The following FLACC1 variants were observed in gnomAD, a reference collection of about 807,000 sequenced individuals.
FLACC1 encodes the protein flagellum associated containing coiled-coil domains 1.
In FLACC1, 66 loss-of-function variants were observed where a neutral mutation model predicts 62.8. That is an observed-to-expected ratio of 1.05 (90% CI 0.86 to 1.29). The LOEUF (loss-of-function observed/expected upper bound fraction) is 1.29. Ranked by LOEUF, FLACC1 falls within the 50% of genes most tolerant of loss-of-function variation. The pLI, the probability that FLACC1 is intolerant of heterozygous loss-of-function variation, is 0.00. For missense variants in FLACC1, 452 were observed against 489.1 expected, an observed-to-expected ratio of 0.92 and a Z score of 0.71; for synonymous variants, 156 against 161.0, an observed-to-expected ratio of 0.97 and a Z score of 0.24.
intron 9 of FLACC1, 111 bp from the exon 10 acceptor site, chr2:201,309,361 A>C (rs1950169315): frequency 1.3e-6 from 1 of 772,642 alleles, no homozygotes; most frequent in Non-Finnish European, 2.2e-6. Context: ...CACAGTGGCC[A>C]GGGCCCATCA....
At chr2:201,290,320 A>G (rs995544793) in intron 12 of FLACC1, among the ~76,000 whole-genome samples, 1 of 144,610 alleles carries the variant, frequency 6.9e-6, no homozygotes, top group African/African-American at 2.5e-5. Context: ...TGGCTCATCA[A>G]TTGCAACTAA....
intron 11 of FLACC1, 78 bp from the exon 12 acceptor site, chr2:201,299,378 G>T: frequency 8.7e-7 from 1 of 1,154,602 alleles, no homozygotes; most frequent in Non-Finnish European, 1.3e-6. Flanking sequence ...AGCCAGACTA[G>T]GATTCAGGAA....
chr2:201,331,252 G>A (rs1381233666), intron 7 of FLACC1, among the ~76,000 whole-genome samples: 3 of 152,042 alleles, frequency 2.0e-5, no homozygotes, highest in Non-Finnish European at 4.4e-5. Flanking sequence ...GATTACAGGC[G>A]TGAGCTACCA....
chr2:201,348,998 A>G (rs568969337), intron 3 of FLACC1, among the ~76,000 whole-genome samples: 1 of 152,288 alleles, frequency 6.6e-6, no homozygotes, highest in East Asian at 1.9e-4. Context: ...GATCTGGGAT[A>G]ATCCAGGATA....
At chr2:201,330,709 G>A (rs749865849) in intron 8 of FLACC1, 27 bp downstream of exon 8, 39 of 1,608,672 alleles carry the variant, frequency 2.4e-5, no homozygotes, top group East Asian at 1.1e-4. Context: ...CTTCATCCAG[G>A]GTCATTCTCC....
chr2:201,328,814 T>C (rs1316874149), intron 9 of FLACC1, among the ~76,000 whole-genome samples: 1 of 152,248 alleles, frequency 6.6e-6, no homozygotes, highest in Non-Finnish European at 1.5e-5. Context: ...TGAAAACCTA[T>C]ATTTTGAAAT....
At chr2:201,352,088 G>C (rs1951038170) in intron 1 of FLACC1, 1 of 152,238 alleles carries the variant, frequency 6.6e-6, no homozygotes, top group Non-Finnish European at 1.5e-5. Flanking sequence ...CTGAGACTCA[G>C]AGAAGTCACG....
intron 6 of FLACC1, 148 bp downstream of exon 6, chr2:201,344,022 T>C (rs1950863571): frequency 3.1e-6 from 2 of 642,728 alleles, no homozygotes; most frequent in Non-Finnish European, 5.4e-6. Flanking sequence ...TACTACTGAG[T>C]GACACAGTCC....
intron 11 of FLACC1, among the ~76,000 whole-genome samples, chr2:201,301,517 A>G (rs1050001334): frequency 1.3e-5 from 2 of 152,210 alleles, no homozygotes; most frequent in Non-Finnish European, 2.9e-5. Context: ...GCAGGATATT[A>G]TCCAGGAGAA....
At chr2:201,295,459 T>C (rs1294129240) in intron 12 of FLACC1, among the ~76,000 whole-genome samples, 3 of 152,214 alleles carry the variant, frequency 2.0e-5, no homozygotes, top group Admixed American at 1.3e-4. Context: ...GCTAGTCATA[T>C]GTAGAAAGCT....
In FLACC1 at chr2:201,319,643, A is replaced by G. The variant is rs886571445; in HGVS notation, c.676-10393T>C. On this transcript the variant is annotated intron_variant, in intron 9 of 14. Coordinates refer to ENST00000392257, the MANE Select transcript of FLACC1 (RefSeq NM_001127391.3). ...AAATATCTAATATCCAGAATCTATA[A>G]GTAACTTAAACAATTGAACAAGCAA... Among the ~76,000 whole-genome samples, 35 of 152,250 alleles carry G rather than the reference A, an allele frequency of 2.3e-4. 1 individual carries two copies. Among genetic ancestry groups the G allele is most frequent in the African/African-American group, 8.2e-4 (34 of 41,462 alleles).
At chr2:201,337,812 C>T (rs562288434) in intron 7 of FLACC1, among the ~76,000 whole-genome samples, 1 of 152,300 alleles carries the variant, frequency 6.6e-6, no homozygotes, top group African/African-American at 2.4e-5. Flanking sequence ...TGTGAGTCAC[C>T]ATGCCTGGTC....
At chr2:201,290,347 A>G (rs954005362) in intron 12 of FLACC1, among the ~76,000 whole-genome samples, 7 of 152,086 alleles carry the variant, frequency 4.6e-5, no homozygotes, top group Non-Finnish European at 1.0e-4. Flanking sequence ...ATCCCAATGC[A>G]AGATACTAAT....
chr2:201,310,366 G>A (rs1272076409), intron 9 of FLACC1, among the ~76,000 whole-genome samples: 1 of 152,156 alleles, frequency 6.6e-6, no homozygotes, highest in African/African-American at 2.4e-5. Flanking sequence ...TTTTGATAGA[G>A]CGACCAAGTG....
chr2:201,343,866 C>G (rs1414278371), intron 6 of FLACC1, among the ~76,000 whole-genome samples: 2 of 152,332 alleles, frequency 1.3e-5, no homozygotes, highest in South Asian at 2.1e-4. Flanking sequence ...AAAGGCCAGA[C>G]AGAAAACAAC....
upstream of FLACC1, among the ~76,000 whole-genome samples, chr2:201,359,211 G>T (rs1003261504): frequency 6.6e-6 from 1 of 152,220 alleles, no homozygotes; most frequent in African/African-American, 2.4e-5. Flanking sequence ...TGAGTTGACC[G>T]TGGTGCCATT....
chr2:201,325,250 G>A (rs575300276), intron 9 of FLACC1, among the ~76,000 whole-genome samples: 2 of 152,206 alleles, frequency 1.3e-5, no homozygotes, highest in Non-Finnish European at 2.9e-5. Context: ...ATGTCACACT[G>A]CAAGGAACTG....
In FLACC1 at chr2:201,309,262, C is replaced by T. The variant is rs370754320; in HGVS notation, c.676-12G>A. ...TCATAAATACTGTCCTGGGGAGGTA[C>T]AAAGGCACCATGAAGAAAAGAGTCC... is the stretch of plus-strand genomic sequence containing the variant. On this transcript the variant is annotated splice_polypyrimidine_tract_variant and intron_variant, in intron 9 of 14. Coordinates refer to ENST00000392257, the MANE Select transcript of FLACC1 (RefSeq NM_001127391.3). 3.1e-6 allele frequency: 5 copies of T among 1,594,262 alleles called. No individual in the cohort carries two copies. Among genetic ancestry groups the T allele is most frequent in the Non-Finnish European group, 4.3e-6 (5 of 1,162,570 alleles).
At chr2:201,357,784 G>T (rs2349074), upstream of FLACC1, among the ~76,000 whole-genome samples, 77,708 of 150,882 alleles carry the variant, frequency 0.52, 20,299 homozygotes, top group South Asian at 0.6. Flanking sequence ...GGAATCTTTT[G>T]CAGTCACAAG....
Sources: gnomAD v4.1 joint callset for allele counts (sites outside exome capture counted in the v4.1 genomes callset) on GRCh38, gnomAD v4.1.1 for gene constraint, MANE v1.5 for transcripts, NCBI Gene and HGNC (gene_info 2026-07-23, HGNC 2026-07-21) for gene names.